DRD3: variants seen among roughly 807,000 people sequenced by gnomAD.
DRD3 encodes the protein dopamine receptor D3, also known as D(3) dopamine receptor.
DRD3 carries 19 observed loss-of-function variants against 36.3 expected under a neutral mutation model. That is an observed-to-expected ratio of 0.52 (90% confidence interval 0.36 to 0.77). DRD3 has a LOEUF of 0.77. DRD3 is among the 30% of genes least tolerant of loss of function. The pLI is 0.00. For missense variants in DRD3, 465 were observed against 505.3 expected, an observed-to-expected ratio of 0.92 and a Z score of 0.77; for synonymous variants, 195 against 203.7, an observed-to-expected ratio of 0.96 and a Z score of 0.36.
At chr3:114,169,915 C>A (rs557791837) in intron 2 of DRD3, among the ~76,000 whole-genome samples, 1 of 152,124 alleles carries the variant, frequency 6.6e-6, no homozygotes, top group African/African-American at 2.4e-5. Flanking sequence ...GTTACAGACA[C>A]CAAAAGCCTG....
intron 1 of DRD3, among the ~76,000 whole-genome samples, chr3:114,176,618 A>C (rs531246293): frequency 1.2e-3 from 180 of 152,090 alleles, no homozygotes; most frequent in Middle Eastern, 3.4e-3. Context: ...GTAAAAAAAA[A>C]CCCACAAAAC....
intron 3 of DRD3, among the ~76,000 whole-genome samples, chr3:114,149,575 GACTATAATGCAAT>G: frequency 6.6e-6 from 1 of 152,186 alleles, no homozygotes; most frequent in Non-Finnish European, 1.5e-5. Flanking sequence ...CTGAACCTGT[GACTATAATGCAAT>G]ATCACTCCTG....
In DRD3 at chr3:114,195,677, G is replaced by A. The variant is rs151187137; in HGVS notation, c.-156+3596C>T. Among the ~76,000 whole-genome samples, 134 of 152,056 alleles carry A rather than the reference G, an allele frequency of 8.8e-4. 1 individual carries two copies. Among genetic ancestry groups the A allele is most frequent in the African/African-American group, 3.1e-3 (127 of 41,484 alleles). On this transcript the variant is annotated intron_variant, in intron 1 of 7. Transcript: ENST00000460779. Reference sequence around the variant, plus strand: ...TTTAAAGTTCATTCAAAGTGGGGAGGGGTAGCCAGTATATTGCCATTTTGA... The same window carrying A: ...TTTAAAGTTCATTCAAAGTGGGGAGAGGTAGCCAGTATATTGCCATTTTGA...
At chr3:114,158,383 G>T (rs530994979) in intron 3 of DRD3, among the ~76,000 whole-genome samples, 1 of 152,336 alleles carries the variant, frequency 6.6e-6, no homozygotes, top group Admixed American at 6.5e-5. Context: ...TTTAAAAAGT[G>T]AAGAGTTGGG....
intron 5 of DRD3, among the ~76,000 whole-genome samples, chr3:114,136,018 C>A (rs2077471866): frequency 6.6e-6 from 1 of 152,106 alleles, no homozygotes; most frequent in Non-Finnish European, 1.5e-5. Flanking sequence ...ATTAAACTGG[C>A]ACCTACTGAT....
intron 6 of DRD3, 110 bp from the exon 7 acceptor site, chr3:114,129,022 GT>G: frequency 8.4e-7 from 1 of 1,193,592 alleles, no homozygotes; most frequent in South Asian, 1.7e-5. Flanking sequence ...TAAGCTGGAA[GT>G]TTTGCATACC....
At chr3:114,162,766 G>C (rs188788886) in intron 2 of DRD3, among the ~76,000 whole-genome samples, 1 of 152,302 alleles carries the variant, frequency 6.6e-6, no homozygotes, top group Non-Finnish European at 1.5e-5. Flanking sequence ...GAAGTGTTAG[G>C]TGAGGAGGGA....
At chr3:114,150,884 C>T (rs2077611116) in intron 3 of DRD3, among the ~76,000 whole-genome samples, 1 of 152,180 alleles carries the variant, frequency 6.6e-6, no homozygotes, top group Non-Finnish European at 1.5e-5. Flanking sequence ...GTAACATTTG[C>T]ATTCCCAGAA....
intron 4 of DRD3, among the ~76,000 whole-genome samples, chr3:114,142,162 A>G (rs2077531687): frequency 6.6e-6 from 1 of 151,380 alleles, no homozygotes; most frequent in Non-Finnish European, 1.5e-5. Flanking sequence ...GGGGAGAGGG[A>G]TAGGGTGGCA....
Position 114,131,108 on chromosome 3 carries a change from C to A in DRD3, c.1006+10G>T. 6.2e-7 allele frequency: 1 copy of A among 1,611,174 alleles called. No homozygotes were observed. The highest frequency in any genetic ancestry group is 8.5e-7 in the Non-Finnish European group (1 of 1,177,736). On this transcript the variant is annotated intron_variant, in intron 6 of 6. Coordinates refer to ENST00000383673, the MANE Select transcript of DRD3 (RefSeq NM_000796.6). The stretch of plus-strand genomic sequence containing the variant: ...CCAACCCAACACAGCTCAAGCCAAC[C>A]CAAACTTACCAAGCACAATGGCCAC...
At chr3:114,194,328 G>T (rs1248584579) in intron 1 of DRD3, among the ~76,000 whole-genome samples, 1 of 152,052 alleles carries the variant, frequency 6.6e-6, no homozygotes, top group African/African-American at 2.4e-5. Flanking sequence ...CATCACCCAG[G>T]CTGGAGTGCA....
At chr3:114,191,648 G>A in intron 1 of DRD3, among the ~76,000 whole-genome samples, 1 of 152,188 alleles carries the variant, frequency 6.6e-6, no homozygotes, top group Admixed American at 6.5e-5. Flanking sequence ...GCGTGGGGAG[G>A]CTGTTACGGT....
chr3:114,162,674 A>G (rs961405210), intron 2 of DRD3, among the ~76,000 whole-genome samples: 1 of 152,242 alleles, frequency 6.6e-6, no homozygotes, highest in East Asian at 1.9e-4. Flanking sequence ...CTTAGAAAGA[A>G]TAAGCACTTT....
rs115479003 is a variant in DRD3, at chr3:114,190,975, G to A, written c.-156+8298C>T. 3.0e-3 allele frequency among the ~76,000 whole-genome samples: 457 copies of A among 152,290 alleles called. 1 individual carries two copies. Among genetic ancestry groups the A allele is most frequent in the African/African-American group, 0.01 (430 of 41,566 alleles). ...GGGCCTTATAGGGTATGGGAGTTAC[G>A]TTCAAGCTAGGGCATGATAAAAGAG... On this transcript the variant is annotated intron_variant, in intron 1 of 7. Transcript: ENST00000460779.
Position 114,161,594 on chromosome 3 carries a change from A to G in DRD3, c.271-1727T>C, listed in dbSNP as rs370288742. On this transcript the variant is annotated intron_variant, in intron 2 of 6. Transcript: ENST00000383673. The stretch of plus-strand genomic sequence containing the variant: ...CAACAATGAAAATTAAAACTAGTGA[A>G]GAAGTCAAATCCAGTTATGGATTTA... Among the ~76,000 whole-genome samples the G allele has an allele frequency of 1.1e-4, 17 of 152,348 alleles. No homozygotes were observed. In the East Asian group the frequency reaches 2.7e-3, roughly 24 times the overall value.
At chr3:114,161,958 C>G (rs1317724877) in intron 2 of DRD3, among the ~76,000 whole-genome samples, 2 of 152,116 alleles carry the variant, frequency 1.3e-5, no homozygotes, top group Non-Finnish European at 2.9e-5. Context: ...GTGTTTTGGG[C>G]TAGAGTAGGT....
intron 1 of DRD3, among the ~76,000 whole-genome samples, chr3:114,188,210 CTTTTT>C (rs57147337): frequency 8.1e-6 from 1 of 122,880 alleles, no homozygotes; most frequent in African/African-American, 3.3e-5. Flanking sequence ...CTTTTTTTCC[CTTTTT>C]TTTTTTTTTT....
intron 2 of DRD3, among the ~76,000 whole-genome samples, chr3:114,168,144 T>A (rs2077803906): frequency 6.6e-6 from 1 of 152,214 alleles, no homozygotes; most frequent in Non-Finnish European, 1.5e-5. Flanking sequence ...ATTAAAAGTG[T>A]CTTAAGTGAG....
In DRD3 at chr3:114,128,268, G is replaced by T. The variant is rs553380951; in HGVS notation, c.*448C>A. Among the ~76,000 whole-genome samples, 46 of 152,322 alleles carry T rather than the reference G, an allele frequency of 3.0e-4. 1 individual carries two copies. In the South Asian group the frequency reaches 9.1e-3, roughly 30 times the overall value. On this transcript the variant is annotated 3_prime_UTR_variant, in exon 7 of 7. Transcript: ENST00000383673. ...AGAAATGACCAAGAGGAATGGGCCC[G>T]TAAAAGTACAAGGTTAGCCTGACAG...
Sources: gnomAD v4.1 joint callset for allele counts (sites outside exome capture counted in the v4.1 genomes callset) on GRCh38, gnomAD v4.1.1 for gene constraint, MANE v1.5 for transcripts, NCBI Gene and HGNC (gene_info 2026-07-23, HGNC 2026-07-21) for gene names.